The following SLC6A4 variants were observed in gnomAD, a reference collection of about 807,000 sequenced individuals.
SLC6A4 encodes the protein solute carrier family 6 member 4, also known as sodium-dependent serotonin transporter.
A neutral mutation model predicts 73.4 loss-of-function variants in SLC6A4; 22 were observed. The ratio of observed to expected loss-of-function variants is 0.30; its 90% CI spans 0.21 to 0.43. SLC6A4 has a LOEUF of 0.43. SLC6A4 is among the 20% of genes least tolerant of loss of function. The pLI is 1.00. For missense variants in SLC6A4, 593 were observed against 808.5 expected, an observed-to-expected ratio of 0.73 and a Z score of 3.23; for synonymous variants, 270 against 315.5, an observed-to-expected ratio of 0.86 and a Z score of 1.53.
chr17:30,225,158 C>G (rs56399215), intron 1 of SLC6A4, among the ~76,000 whole-genome samples: 2 of 152,130 alleles, frequency 1.3e-5, no homozygotes, highest in Non-Finnish European at 2.9e-5. Flanking sequence ...CCTACTGAAC[C>G]CCCACCCTCA....
chr17:30,223,415 C>A (rs1299618075), intron 1 of SLC6A4, among the ~76,000 whole-genome samples: 1 of 152,076 alleles, frequency 6.6e-6, no homozygotes, highest in Non-Finnish European at 1.5e-5. Context: ...TTGGTGACTG[C>A]AACTTAGCTA....
At chr17:30,216,311 A>AG (rs1906573055) in intron 6 of SLC6A4, 95 bp from the exon 7 acceptor site, 1 of 45,580 alleles carries the variant, frequency 2.2e-5, no homozygotes, top group African/African-American at 9.2e-5. Context: ...AGGGGAGGGG[A>AG]GGGAGGTGGG....
At chr17:30,222,304 A>G (rs141943853) in intron 2 of SLC6A4, among the ~76,000 whole-genome samples, 1 of 152,372 alleles carries the variant, frequency 6.6e-6, no homozygotes, top group African/African-American at 2.4e-5. Flanking sequence ...AAAGGAAACA[A>G]TAAAACCAAC....
chr17:30,231,745 G>C (rs1050424758), intron 1 of SLC6A4, among the ~76,000 whole-genome samples: 1 of 152,140 alleles, frequency 6.6e-6, no homozygotes. Flanking sequence ...CTTCCAGTCA[G>C]CCAAAGCTCC....
At chr17:30,208,359 A>G (rs1906273298) in intron 12 of SLC6A4, among the ~76,000 whole-genome samples, 1 of 152,218 alleles carries the variant, frequency 6.6e-6, no homozygotes, top group Non-Finnish European at 1.5e-5. Flanking sequence ...TTGCCCATTC[A>G]TATGCCAGAT....
In SLC6A4 at chr17:30,218,138, G is replaced by A. The variant is rs138421605; in HGVS notation, c.678C>T (p.Ser226=). ...CTTACGTGTAAAATTCTTCAGCAGGGGACGTGGAATGGAGGGTCCAGGTGA... is the reference window on the plus strand; with the variant it reads ...CTTACGTGTAAAATTCTTCAGCAGGAGACGTGGAATGGAGGGTCCAGGTGA... The part of the protein sequence containing the change: ...DNITWTLHST[S]PAEEFYTRHV... Residue 226 remains serine (S), a synonymous_variant, in exon 5 of 15, where the codon TCC becomes TCT. Coordinates refer to ENST00000650711, the MANE Select transcript of SLC6A4 (RefSeq NM_001045.6). 6 of 1,614,054 alleles carry A rather than the reference G, an allele frequency of 3.7e-6. No individual in the cohort carries two copies. The highest frequency in any genetic ancestry group is 1.3e-5 in the African/African-American group (1 of 74,930).
At chr17:30,224,268 G>C (rs1197301100) in intron 1 of SLC6A4, among the ~76,000 whole-genome samples, 1 of 151,846 alleles carries the variant, frequency 6.6e-6, no homozygotes, top group Non-Finnish European at 1.5e-5. Context: ...GCCCAGGCTG[G>C]TGTGCAGTGG....
Position 30,211,236 on chromosome 17 carries a change from G to A in SLC6A4, c.1317+76C>T, listed in dbSNP as rs1306397897. ...TGCCTGGGATGGCCAGGGATGGGAGGGAATTGAGTCCAGCTGAGTCCTCCT... is the reference window on the plus strand; with the variant it reads ...TGCCTGGGATGGCCAGGGATGGGAGAGAATTGAGTCCAGCTGAGTCCTCCT... On this transcript the variant is annotated intron_variant, in intron 10 of 14. Transcript: ENST00000650711. This position sits in a 1 kb window ranked among gnomAD's most constrained non-coding sequence, Gnocchi z 4.0. The A allele has an allele frequency of 2.1e-6, 2 of 969,070 alleles. No homozygotes were observed. Among genetic ancestry groups the A allele is most frequent in the Non-Finnish European group, 3.2e-6 (2 of 617,316 alleles). 60.0% of individuals were successfully genotyped at this position (969,070 alleles called of 1,614,324 possible).
rs1905924653 is a variant in SLC6A4 at position 30,198,259 on chromosome 17, A to C, written c.*197T>G. ...AGCTGTGTCACAGTCTACCATGGGA[A>C]TATGTCCAGGGGAATCCATGGAAAT... On this transcript the variant is annotated 3_prime_UTR_variant, in exon 15 of 15. Coordinates refer to ENST00000650711, the MANE Select transcript of SLC6A4 (RefSeq NM_001045.6). The C allele has an allele frequency of 4.2e-6, 2 of 470,800 alleles. No homozygotes were observed. Among genetic ancestry groups the C allele is most frequent in the African/African-American group, 4.0e-5 (2 of 50,096 alleles). The allele number at this position is 470,800 out of a possible 1,614,324, so 29.2% of individuals were successfully genotyped here.
chr17:30,203,387 T>C, intron 13 of SLC6A4, 48 bp from the exon 14 acceptor site: 1 of 1,507,130 alleles, frequency 6.6e-7, no homozygotes, highest in Non-Finnish European at 9.2e-7. Flanking sequence ...CAATATCCAC[T>C]CAGATAGAGA....
chr17:30,207,982 C>G (rs747426146), intron 12 of SLC6A4, 150 bp from the exon 13 acceptor site: 5 of 614,036 alleles, frequency 8.1e-6, no homozygotes, highest in Non-Finnish European at 1.4e-5. Context: ...ACCCCGGACA[C>G]ACAGGGTAGC....
At chr17:30,229,758 T>A (rs1395619337) in intron 1 of SLC6A4, among the ~76,000 whole-genome samples, 1 of 151,608 alleles carries the variant, frequency 6.6e-6, no homozygotes, top group Non-Finnish European at 1.5e-5. Context: ...CAGTGTCACA[T>A]GCCTGTAATC....
chr17:30,225,989 T>C (rs1317271667), intron 1 of SLC6A4, among the ~76,000 whole-genome samples: 2 of 152,314 alleles, frequency 1.3e-5, no homozygotes, highest in African/African-American at 4.8e-5. Flanking sequence ...ATTATCCCGA[T>C]TGGTCATAAA....
At chr17:30,212,715 A>G (rs750199303) in intron 9 of SLC6A4, 25 bp downstream of exon 9, 1 of 1,612,682 alleles carries the variant, frequency 6.2e-7, no homozygotes, top group Non-Finnish European at 8.5e-7. Flanking sequence ...GGAGCAAGGG[A>G]CCTGCATAGA....
chr17:30,204,755 G>A (rs1238197297), intron 13 of SLC6A4, among the ~76,000 whole-genome samples: 1 of 152,190 alleles, frequency 6.6e-6, no homozygotes, highest in Non-Finnish European at 1.5e-5. Context: ...AGTGAACGTA[G>A]AAGTGGAAGA....
intron 1 of SLC6A4, among the ~76,000 whole-genome samples, chr17:30,230,098 G>GAAGAAGAAGAAGAGGAAGAGGAA (rs1555591454): frequency 6.7e-5 from 6 of 89,558 alleles, no homozygotes; most frequent in African/African-American, 2.7e-4. Context: ...AAGAAGAAGA[G>GAAGAAGAAGAAGAGGAAGAGGAA]GAGGAAGAGG....
chr17:30,230,065 A>AGAAGAAGAAGAG, intron 1 of SLC6A4, among the ~76,000 whole-genome samples: 1 of 106,280 alleles, frequency 9.4e-6, no homozygotes, highest in Non-Finnish European at 1.8e-5. Context: ...AAGAAGAAGA[A>AGAAGAAGAAGAG]GAAGAAGAAG....
At chr17:30,220,472 G>C (rs546735176) in intron 3 of SLC6A4, among the ~76,000 whole-genome samples, 1 of 152,308 alleles carries the variant, frequency 6.6e-6, no homozygotes, top group Admixed American at 6.5e-5. Context: ...CAAGGAACAA[G>C]ATAGGGCCTC....
At chr17:30,222,509 G>A (rs770466791) in intron 2 of SLC6A4, among the ~76,000 whole-genome samples, 3 of 152,168 alleles carry the variant, frequency 2.0e-5, no homozygotes, top group Admixed American at 6.5e-5. Context: ...AAGCAAAGGC[G>A]TTTCTGCCTT....
Sources: allele counts gnomAD v4.1 joint callset (sites outside exome capture counted in the v4.1 genomes callset), GRCh38; gene constraint gnomAD v4.1.1; non-coding constraint Gnocchi (gnomAD v3.1); transcripts MANE v1.5; gene names NCBI Gene and HGNC (gene_info 2026-07-23, HGNC 2026-07-21).